PCNT: variants seen among roughly 807,000 people sequenced by gnomAD.
The protein encoded by PCNT is kendrin.
Under a neutral mutation model 380.4 loss-of-function variants are expected in PCNT, and 319 were observed. That is an observed-to-expected ratio of 0.84 (90% CI 0.77 to 0.92). The LOEUF (loss-of-function observed/expected upper bound fraction) is 0.92. Ranked by LOEUF, PCNT falls within the 40% of genes least tolerant of loss-of-function variation. PCNT has a pLI of 0.00. For missense variants in PCNT, 4,400 were observed against 4,255.3 expected, an observed-to-expected ratio of 1.03 and a Z score of -0.95; for synonymous variants, 1,845 against 1,735.2, an observed-to-expected ratio of 1.06 and a Z score of -1.57.
In PCNT at chr21:46,430,490, G is replaced by A. The variant is rs1322217879; in HGVS notation, c.7914-17G>A. On this transcript the variant is annotated splice_polypyrimidine_tract_variant and intron_variant, in intron 36 of 46. Transcript: ENST00000359568. ...CTGGCCCACGTGGTCAGATTGTTCT[G>A]CGATGTCTCCACGCAGATCCATGCT... The A allele has an allele frequency of 1.9e-6, 3 of 1,549,824 alleles. No individual in the cohort carries two copies. In the African/African-American group the frequency reaches 4.1e-5, roughly 21 times the overall value.
Position 46,389,143 on chromosome 21 carries a change from G to A in PCNT, c.3608-56G>A, listed in dbSNP as rs2085945246. On this transcript the variant is annotated intron_variant, in intron 18 of 46. Coordinates refer to ENST00000359568, the MANE Select transcript of PCNT (RefSeq NM_006031.6). ...GCTTCCTTGTCGTCTTGGCTGCCATGGCCGCGGCCGGCTTGCTCACTGAGC... is the reference window on the plus strand; with the variant it reads ...GCTTCCTTGTCGTCTTGGCTGCCATAGCCGCGGCCGGCTTGCTCACTGAGC... 2.6e-6 allele frequency: 4 copies of A among 1,545,426 alleles called. No individual in the cohort carries two copies. In the East Asian group the frequency reaches 9.0e-5, roughly 35 times the overall value.
At chr21:46,418,170 ATTATT>A (rs775756745) in intron 30 of PCNT, 29 bp from the exon 31 acceptor site, 4 of 1,320,934 alleles carry the variant, frequency 3.0e-6, no homozygotes, top group Non-Finnish European at 4.4e-6. Context: ...GTAATTACTC[ATTATT>A]TTATGACCAT....
chr21:46,416,856 C>G lies in PCNT; in HGVS notation c.6921+17C>G, dbSNP rs752680894. On this transcript the variant is annotated intron_variant, in intron 30 of 46. Transcript: ENST00000359568. Reference sequence around the variant, plus strand: ...ACGGCTGTGGTAGGTGCCTGCTCTGCTCCCAGGCCTGCTGTTCCCGTGGGA... The same window carrying G: ...ACGGCTGTGGTAGGTGCCTGCTCTGGTCCCAGGCCTGCTGTTCCCGTGGGA... 6.3e-7 allele frequency: 1 copy of G among 1,596,536 alleles called. No individual in the cohort carries two copies. The highest frequency in any genetic ancestry group is 1.3e-5 in the African/African-American group (1 of 74,990).
At position 46,401,571 on chromosome 21, in the gene PCNT, A is replaced by G. The variant is rs756795139; in HGVS notation, c.4812A>G (p.Lys1604=). 1.2e-6 allele frequency: 2 copies of G among 1,613,994 alleles called. No individual in the cohort carries two copies. The highest frequency in any genetic ancestry group is 1.7e-6 in the Non-Finnish European group (2 of 1,179,868). ...GLEQDKEVLK[K]QQMSSLLLAS... The stretch of plus-strand genomic sequence containing the variant: ...AATAGGATAAAGAGGTGTTAAAGAA[A>G]CAGCAGATGAGTAGCTTGCTTCTGG... The change falls in exon 26 of 47, where the codon AAA becomes AAG. Residue 1604 remains lysine, a synonymous_variant. Coordinates refer to ENST00000359568, the MANE Select transcript of PCNT (RefSeq NM_006031.6).
At chr21:46,416,912 C>T (rs1602031673) in intron 30 of PCNT, 73 bp downstream of exon 30, 1 of 1,493,064 alleles carries the variant, frequency 6.7e-7, no homozygotes, top group East Asian at 2.4e-5. Context: ...CGGCAGCTGC[C>T]ATTGTTTGTT....
In PCNT at chr21:46,440,856, TGGAAAAATTGTACCTGCATTACTTGAGAG is replaced by T; in HGVS notation, c.9396_9424del (p.Met3132IlefsTer5). 1 of 1,591,348 alleles carries T rather than the reference TGGAAAAATTGTACCTGCATTACTTGAGAG, an allele frequency of 6.3e-7. No individual in the cohort carries two copies. Among genetic ancestry groups the T allele is most frequent in the Non-Finnish European group, 8.6e-7 (1 of 1,159,370 alleles). ...ATTTTACTGCTTTTTTTCTTTTAGA[TGGAAAAATTGTACCTGCATTACTTGAGAG>T]CAGAGAGCTTTAGAAAAGCTCTGAT... On this transcript the variant is annotated frameshift_variant and splice_region_variant, in exon 43 of 47. Coordinates refer to ENST00000359568, the MANE Select transcript of PCNT (RefSeq NM_006031.6). LOFTEE classifies it high-confidence loss of function.
chr21:46,411,620 C>T lies in PCNT; in HGVS notation c.5547C>T (p.Val1849=), dbSNP rs370410169. The T allele has an allele frequency of 8.7e-6, 14 of 1,613,040 alleles. No homozygotes were observed. The South Asian group carries it at 1.1e-4, about 13-fold the overall frequency. ...ATGTAGCCCTCAGGGAGGCTGAGGT[C>T]GAAGACATGGCCTCCCGGATCCAGG... The part of the protein sequence containing the change: ...ERNVALREAE[V]EDMASRIQEF... The change falls in exon 28 of 47, where the codon GTC becomes GTT. Residue 1849 remains valine (V), a synonymous_variant. Transcript: ENST00000359568.
At chr21:46,438,131 A>G (rs748459334) in intron 40 of PCNT, 33 bp from the exon 41 acceptor site, 1 of 1,583,488 alleles carries the variant, frequency 6.3e-7, no homozygotes, top group South Asian at 1.1e-5. Flanking sequence ...CTTTAACAAC[A>G]AATTCTTACA....
Position 46,324,288 on chromosome 21 carries a change from C to A in PCNT, c.54+6C>A. 1 of 1,606,566 alleles carries A rather than the reference C, an allele frequency of 6.2e-7. No individual in the cohort carries two copies. Among genetic ancestry groups the A allele is most frequent in the Admixed American group, 1.7e-5 (1 of 59,410 alleles). On this transcript the variant is annotated splice_donor_region_variant and intron_variant, in intron 1 of 46. Coordinates refer to ENST00000359568, the MANE Select transcript of PCNT (RefSeq NM_006031.6). ...TGGAGGCCGGGAGGACGAAGGTAAA[C>A]ATTAGGGGCTTCTTCTCTAGCTGCT...
At position 46,353,894 on chromosome 21, in the gene PCNT, C is replaced by G. The variant is rs939586717; in HGVS notation, c.1680-93C>G. ...CTTGACTGGAAGCACGAGGAGGCGC[C>G]TCTGCTGTGAGCAGTCGGTCCTGGG... On this transcript the variant is annotated intron_variant, in intron 10 of 46. Coordinates refer to ENST00000359568, the MANE Select transcript of PCNT (RefSeq NM_006031.6). 3.6e-6 allele frequency: 4 copies of G among 1,113,784 alleles called. No homozygotes were observed. In the African/African-American group the frequency reaches 6.2e-5, roughly 17 times the overall value. 69.0% of individuals were successfully genotyped at this position (1,113,784 alleles called of 1,614,324 possible).
chr21:46,395,418 C>G (rs1034084281), intron 21 of PCNT, among the ~76,000 whole-genome samples: 1 of 151,454 alleles, frequency 6.6e-6, no homozygotes, highest in Non-Finnish European at 1.5e-5. Context: ...GAGACTCCAT[C>G]TCAGAAATAA....
chr21:46,402,240 T>C (rs1029899111), intron 26 of PCNT, 91 bp from the exon 27 acceptor site: 1 of 892,552 alleles, frequency 1.1e-6, no homozygotes, highest in Non-Finnish European at 1.7e-6. Flanking sequence ...CATTTAAATA[T>C]CTCAAAGCTA....
intron 3 of PCNT, among the ~76,000 whole-genome samples, chr21:46,335,471 G>A (rs1191631641): frequency 1.3e-5 from 2 of 152,026 alleles, no homozygotes; most frequent in Non-Finnish European, 2.9e-5. Flanking sequence ...CGAGGTGGGC[G>A]GATCACGAGG....
chr21:46,366,787 A>C lies in PCNT; in HGVS notation c.2813A>C (p.Gln938Pro). The change falls in exon 15 of 47, where the codon CAG (glutamine) becomes CCG (proline). Residue 938 changes from glutamine (Q) to proline (P), a missense_variant. Transcript: ENST00000359568. ...CTGACAGCCTCCTTAGAGAGCAAGC[A>C]GGGGGCTCTGCTGGCTGCACGTGTG... is the stretch of plus-strand genomic sequence containing the variant. ...GELTASLESK[Q>P]GALLAARVAE... 5 of 1,613,770 alleles carry C rather than the reference A, an allele frequency of 3.1e-6. No individual in the cohort carries two copies. Among genetic ancestry groups the C allele is most frequent in the Middle Eastern group, 3.3e-4 (2 of 6,062 alleles).
At chr21:46,335,767 C>T (rs2083715450) in intron 3 of PCNT, among the ~76,000 whole-genome samples, 1 of 151,080 alleles carries the variant, frequency 6.6e-6, no homozygotes, top group Non-Finnish European at 1.5e-5. Flanking sequence ...CTTACTGTAA[C>T]CTCCGCCTCC....
intron 3 of PCNT, among the ~76,000 whole-genome samples, chr21:46,336,536 A>C (rs1296229961): frequency 6.6e-6 from 1 of 152,162 alleles, no homozygotes; most frequent in African/African-American, 2.4e-5. Flanking sequence ...ATGTGTTTGA[A>C]GCACATCCTG....
chr21:46,324,390 C>A lies in PCNT; in HGVS notation c.54+108C>A, dbSNP rs1601723673. ...GGAGAGGACGCGGTCCGGCGGAAGC[C>A]GCCGCGGAGGTCTCGCTTTTTCCCG... On this transcript the variant is annotated intron_variant, in intron 1 of 46. Coordinates refer to ENST00000359568, the MANE Select transcript of PCNT (RefSeq NM_006031.6). The A allele has an allele frequency of 1.1e-5, 11 of 973,962 alleles. No homozygotes were observed. In the East Asian group the frequency reaches 2.9e-4, roughly 25 times the overall value. 60.3% of individuals were successfully genotyped at this position (973,962 alleles called of 1,614,324 possible).
Position 46,444,072 on chromosome 21 carries a change from C to T in PCNT, c.9839+124C>T, listed in dbSNP as rs573353193. ...AGCCCAGGGCAAGGCAGGAAACTCT[C>T]CAGCGTGAGTCCGTGAGGGCCAAGA... is the stretch of plus-strand genomic sequence containing the variant. On this transcript the variant is annotated intron_variant, in intron 45 of 46. Coordinates refer to ENST00000359568, the MANE Select transcript of PCNT (RefSeq NM_006031.6). 131 of 1,051,788 alleles carry T rather than the reference C, an allele frequency of 1.2e-4. 1 individual carries two copies. The highest frequency in any genetic ancestry group is 8.7e-4 in the Admixed American group (33 of 37,966). The allele number at this position is 1,051,788 out of a possible 1,614,324, so 65.2% of individuals were successfully genotyped here. A position where few individuals can be genotyped will look rare whatever the true frequency, so the allele number is the denominator to read the frequency against.
At chr21:46,377,598 C>T (rs1007263163) in intron 15 of PCNT, among the ~76,000 whole-genome samples, 1 of 152,060 alleles carries the variant, frequency 6.6e-6, no homozygotes, top group East Asian at 1.9e-4. Context: ...CCCCCAGTGG[C>T]TCGTGCCTAT....
Sources: gnomAD v4.1 joint callset for allele counts (sites outside exome capture counted in the v4.1 genomes callset) on GRCh38, gnomAD v4.1.1 for gene constraint, MANE v1.5 for transcripts, NCBI Gene and HGNC (gene_info 2026-07-23, HGNC 2026-07-21) for gene names.